Variants in PCDH15 observed in about 807,000 individuals in gnomAD.
PCDH15 encodes protocadherin-15.
In PCDH15, 129 loss-of-function variants were observed where a neutral mutation model predicts 178.5. The observed-to-expected ratio is 0.72, with a 90% CI of 0.63 to 0.84. The LOEUF is 0.84. Among genes scored for constraint, PCDH15 ranks in the 40% least tolerant of loss-of-function variants. The pLI, the probability that PCDH15 is intolerant of heterozygous loss-of-function variation, is 0.00. For synonymous variants in PCDH15, 800 were observed against 732.0 expected, an observed-to-expected ratio of 1.09 and a Z score of -1.50; for missense variants, 2,230 against 2,099.9, an observed-to-expected ratio of 1.06 and a Z score of -1.21.
chr10:54,745,168 T>C (rs1380965566), intron 1 of PCDH15, among the ~76,000 whole-genome samples: 1 of 152,166 alleles, frequency 6.6e-6, no homozygotes, highest in South Asian at 2.1e-4. Flanking sequence ...CACCGGGTTA[T>C]GGTTGTGGCA....
chr10:54,588,039 T>C (rs2091622458), intron 2 of PCDH15, among the ~76,000 whole-genome samples: 1 of 152,176 alleles, frequency 6.6e-6, no homozygotes, highest in Non-Finnish European at 1.5e-5. Flanking sequence ...TATTTATTCT[T>C]GATTATTAAG....
chr10:55,125,163 TTGTGTGTGTGTGTGTG>T (rs34423359), intron 2 of PCDH15, among the ~76,000 whole-genome samples: 8 of 142,980 alleles, frequency 5.6e-5, no homozygotes, highest in Non-Finnish European at 1.2e-4. Context: ...TTTTTTTTAA[TTGTGTGTGTGTGTGTG>T]TGTGTGTGTG....
intron 1 of PCDH15, among the ~76,000 whole-genome samples, chr10:55,246,246 C>A (rs1478635331): frequency 6.6e-6 from 1 of 152,112 alleles, no homozygotes; most frequent in Admixed American, 6.5e-5. Context: ...CATGTAGTTT[C>A]TTTTCTCATC....
intron 2 of PCDH15, among the ~76,000 whole-genome samples, chr10:54,970,049 G>A (rs2131892827): frequency 6.6e-6 from 1 of 152,248 alleles, no homozygotes; most frequent in East Asian, 1.9e-4. Flanking sequence ...GAGTCCTTAG[G>A]AGATGATTAG....
chr10:54,818,964 G>A (rs1478333756), intron 3 of PCDH15, among the ~76,000 whole-genome samples: 2 of 151,666 alleles, frequency 1.3e-5, no homozygotes, highest in African/African-American at 2.4e-5. Flanking sequence ...TCATTTTGTT[G>A]TGCAGACTGA....
chr10:55,364,060 T>C (rs1845294403), intron 2 of PCDH15, among the ~76,000 whole-genome samples: 1 of 152,084 alleles, frequency 6.6e-6, no homozygotes, highest in Admixed American at 6.6e-5. Flanking sequence ...GTTCTCATGA[T>C]AGTGAGTGAG....
chr10:54,395,771 T>C (rs1951137119), intron 3 of PCDH15, among the ~76,000 whole-genome samples: 1 of 152,178 alleles, frequency 6.6e-6, no homozygotes, highest in South Asian at 2.1e-4. Context: ...ACCACATTTT[T>C]CAATGCATTT....
chr10:54,696,155 T>G (rs2095220114), intron 1 of PCDH15, among the ~76,000 whole-genome samples: 1 of 152,088 alleles, frequency 6.6e-6, no homozygotes, highest in South Asian at 2.1e-4. Flanking sequence ...AGAACATTTA[T>G]AAATTATAGG....
At chr10:54,229,751 C>A (rs921093185) in intron 9 of PCDH15, among the ~76,000 whole-genome samples, 1 of 152,126 alleles carries the variant, frequency 6.6e-6, no homozygotes, top group Non-Finnish European at 1.5e-5. Context: ...ATCCATTAAA[C>A]CTCTTTCTTT....
chr10:55,271,633 T>G (rs1842447353), intron 1 of PCDH15, among the ~76,000 whole-genome samples: 2 of 152,174 alleles, frequency 1.3e-5, no homozygotes, highest in Admixed American at 6.5e-5. Context: ...TTATTTTGAG[T>G]GTCAGGATCA....
chr10:54,889,672 T>G (rs1162915866), intron 3 of PCDH15, among the ~76,000 whole-genome samples: 2 of 151,492 alleles, frequency 1.3e-5, no homozygotes, highest in Non-Finnish European at 3.0e-5. Flanking sequence ...TCTGAGATGA[T>G]ACTTTATCTA....
intron 2 of PCDH15, among the ~76,000 whole-genome samples, chr10:55,546,885 G>C (rs2132082655): frequency 6.6e-6 from 1 of 152,208 alleles, no homozygotes; most frequent in South Asian, 2.1e-4. Context: ...AGATGAAGGG[G>C]AAAGGAAGCA....
intron 32 of PCDH15, chr10:53,822,897 T>C (rs1588937422): frequency 1.9e-6 from 3 of 1,613,980 alleles, no homozygotes; most frequent in Non-Finnish European, 2.5e-6. Context: ...TCCAGTGTTT[T>C]CATTTTCAGC....
At chr10:55,068,472 G>T (rs1396006417) in intron 2 of PCDH15, among the ~76,000 whole-genome samples, 1 of 151,958 alleles carries the variant, frequency 6.6e-6, no homozygotes, top group African/African-American at 2.4e-5. Context: ...TTATATAAAT[G>T]CCATGCTCTT....
chr10:54,462,804 A>G (rs1326075777), intron 3 of PCDH15, among the ~76,000 whole-genome samples: 2 of 144,680 alleles, frequency 1.4e-5, no homozygotes, highest in African/African-American at 5.2e-5. Flanking sequence ...TGCTGGGATT[A>G]CAGGTGTGAG....
At chr10:55,276,613 T>G (rs1489485882) in intron 1 of PCDH15, among the ~76,000 whole-genome samples, 2 of 151,776 alleles carry the variant, frequency 1.3e-5, no homozygotes, top group Non-Finnish European at 2.9e-5. Context: ...ATTTTTATAT[T>G]ATCATTAGAA....
At chr10:54,171,687 A>G (rs1406266384) in intron 13 of PCDH15, among the ~76,000 whole-genome samples, 2 of 151,962 alleles carry the variant, frequency 1.3e-5, no homozygotes, top group African/African-American at 2.4e-5. Flanking sequence ...ACTATGCTGA[A>G]TCTCCTTAGG....
intron 7 of PCDH15, among the ~76,000 whole-genome samples, chr10:54,320,734 G>T (rs530379387): frequency 6.6e-6 from 1 of 151,830 alleles, no homozygotes; most frequent in East Asian, 1.9e-4. Flanking sequence ...CTTCCAAGGG[G>T]CAGATTCCAA....
At chr10:54,873,695 T>TTTTATATATATATATA (rs1554809277) in intron 3 of PCDH15, among the ~76,000 whole-genome samples, 94 of 138,916 alleles carry the variant, frequency 6.8e-4, no homozygotes, top group Non-Finnish European at 7.1e-4. Flanking sequence ...CTGCTGTATT[T>TTTTATATATATATATA]TATATATATA....
Sources: allele counts gnomAD v4.1 joint callset (sites outside exome capture counted in the v4.1 genomes callset), GRCh38; gene constraint gnomAD v4.1.1; transcripts MANE v1.5; gene names NCBI Gene and HGNC (gene_info 2026-07-23, HGNC 2026-07-21).